Variants in BRWD1 observed in about 807,000 individuals in gnomAD.
The protein encoded by BRWD1 is bromodomain and WD repeat domain containing 1, also known as bromodomain and WD repeat-containing protein 1.
BRWD1 carries 82 observed loss-of-function variants against 251.2 expected under a neutral mutation model. The observed-to-expected ratio is 0.33, with a 90% CI of 0.27 to 0.39. The LOEUF is 0.39. Among genes scored for constraint, BRWD1 ranks in the 10% least tolerant of loss-of-function variants. The probability of loss-of-function intolerance (pLI) is 1.00; values close to 1 mark genes in which losing one functional copy is unlikely to be tolerated. For synonymous variants in BRWD1, 918 were observed against 902.8 expected (o/e 1.02, Z -0.30); for missense variants, 2,233 against 2,711.6 (o/e 0.82, Z 3.92).
chr21:39,226,199 T>G (rs1040386212), intron 27 of BRWD1, among the ~76,000 whole-genome samples: 2 of 152,150 alleles, frequency 1.3e-5, no homozygotes, highest in Non-Finnish European at 2.9e-5. Flanking sequence ...ATAATAAAAG[T>G]GTCTTTTCTA....
intron 18 of BRWD1, among the ~76,000 whole-genome samples, chr21:39,257,746 T>C (rs924794717): frequency 2.0e-5 from 3 of 152,042 alleles, no homozygotes; most frequent in Non-Finnish European, 4.4e-5. Context: ...CATTAAGATA[T>C]AAAGTGTCAC....
upstream of BRWD1, among the ~76,000 whole-genome samples, chr21:39,315,430 C>T (rs2036681579): frequency 6.6e-6 from 1 of 152,060 alleles, no homozygotes; most frequent in East Asian, 2.0e-4. Context: ...GTCAGGAAAT[C>T]AAGACCATCC....
At chr21:39,218,870 A>T (rs1322101180) in intron 29 of BRWD1, among the ~76,000 whole-genome samples, 4 of 152,176 alleles carry the variant, frequency 2.6e-5, no homozygotes, top group Non-Finnish European at 5.9e-5. Flanking sequence ...ACCCTAACAA[A>T]TTAAAAATTA....
At position 39,215,314 on chromosome 21, in the gene BRWD1, G is replaced by A. The variant is rs1283794449; in HGVS notation, c.3708C>T (p.Ala1236=). The change falls in exon 32 of 41, where the codon GCC becomes GCT. Residue 1236 remains alanine, a synonymous_variant. Transcript: ENST00000342449. ...CACTCTCAGGTTCGTTAAATGTTCT[G>A]GCATTATGTTCTATATATCTGACTT... is the stretch of plus-strand genomic sequence containing the variant. ...VWEVRYIEHN[A]RTFNEPESVI... The A allele has an allele frequency of 1.2e-6, 2 of 1,613,192 alleles. No homozygotes were observed. Among genetic ancestry groups the A allele is most frequent in the Admixed American group, 1.7e-5 (1 of 60,010 alleles).
chr21:39,303,968 CCT>C lies in BRWD1; in HGVS notation c.199-5388_199-5387del, dbSNP rs1050529380. Among the ~76,000 whole-genome samples, 13 of 151,328 alleles carry C rather than the reference CCT, an allele frequency of 8.6e-5. No homozygotes were observed. The East Asian group carries it at 2.3e-3, about 27-fold the overall frequency. On this transcript the variant is annotated intron_variant, in intron 4 of 40. Transcript: ENST00000342449. Reference sequence around the variant, plus strand: ...ACCAGCCTGGCCAACGTGGTTAAACCCTGTTTCTATTAAAAATACAAAATGAG... The same window carrying C: ...ACCAGCCTGGCCAACGTGGTTAAACCGTTTCTATTAAAAATACAAAATGAG...
At position 39,186,169 on chromosome 21, in the gene BRWD1, C is replaced by T. The variant is rs2031219802; in HGVS notation, c.*10090G>A. 6.6e-6 allele frequency: 1 copy of T among 152,128 alleles called. No homozygotes were observed. Among genetic ancestry groups the T allele is most frequent in the African/African-American group, 2.4e-5 (1 of 41,434 alleles). The allele number at this position is 152,128 out of a possible 1,614,324, so 9.4% of individuals were successfully genotyped here. A position where few individuals can be genotyped will look rare whatever the true frequency, so the allele number is the denominator to read the frequency against. ...ATGACTGTTTTGATCTTAAGCTATA[C>T]ATTTTATTTTTATCTAACTGATTAA... On this transcript the variant is annotated 3_prime_UTR_variant, in exon 41 of 41. Coordinates refer to ENST00000342449, the MANE Select transcript of BRWD1 (RefSeq NM_033656.4).
At position 39,188,413 on chromosome 21, in the gene BRWD1, G is replaced by A. The variant is rs994712713; in HGVS notation, c.*7846C>T. The A allele has an allele frequency of 2.2e-5, 22 of 985,246 alleles. No homozygotes were observed. The highest frequency in any genetic ancestry group is 1.2e-5 in the Non-Finnish European group (10 of 829,914). 61.0% of individuals were successfully genotyped at this position (985,246 alleles called of 1,614,324 possible). ...CTCCACCCACACTAGACATCTGGAG[G>A]ACTCCACCACATTCTTTTTACTACT... On this transcript the variant is annotated 3_prime_UTR_variant, in exon 41 of 41. Coordinates refer to ENST00000342449, the MANE Select transcript of BRWD1 (RefSeq NM_033656.4).
chr21:39,200,572 G>T, intron 38 of BRWD1, 186 bp from the exon 39 acceptor site: 2 of 427,540 alleles, frequency 4.7e-6, no homozygotes, highest in South Asian at 6.1e-5. Flanking sequence ...GTATTAAAAG[G>T]TACATAATCA....
chr21:39,299,681 A>G (rs1185556720), intron 4 of BRWD1, among the ~76,000 whole-genome samples: 1 of 152,086 alleles, frequency 6.6e-6, no homozygotes, highest in East Asian at 1.9e-4. Context: ...CTGGGAACAG[A>G]AAAGGGACTC....
chr21:39,309,461 C>T (rs1017667494), intron 4 of BRWD1, among the ~76,000 whole-genome samples: 4 of 151,866 alleles, frequency 2.6e-5, no homozygotes, highest in Admixed American at 6.6e-5. Flanking sequence ...CAGGGTGGGG[C>T]GGGGAGAGAA....
At chr21:39,307,976 A>G (rs1470627696) in intron 4 of BRWD1, among the ~76,000 whole-genome samples, 1 of 152,212 alleles carries the variant, frequency 6.6e-6, no homozygotes, top group East Asian at 1.9e-4. Context: ...GTCTAGCAAT[A>G]TAGCAGTGCA....
chr21:39,320,826 T>G (rs2036739599), intron 1 of BRWD1, among the ~76,000 whole-genome samples: 1 of 151,590 alleles, frequency 6.6e-6, no homozygotes, highest in Non-Finnish European at 1.5e-5. Flanking sequence ...CACCACCACA[T>G]CCAGCTAATT....
In BRWD1 at chr21:39,190,726, T is replaced by A. The variant is rs2031508017; in HGVS notation, c.*5533A>T. ...CTGAAGTACCCCAATGGCTGTAGAA[T>A]AAAATGGTTTCTGTAACTTGCTGTG... On this transcript the variant is annotated 3_prime_UTR_variant, in exon 41 of 41. Transcript: ENST00000342449. 1 of 985,408 alleles carries A rather than the reference T, an allele frequency of 1.0e-6. No individual in the cohort carries two copies. The highest frequency in any genetic ancestry group is 1.2e-6 in the Non-Finnish European group (1 of 829,906). The allele number at this position is 985,408 out of a possible 1,614,324, so 61.0% of individuals were successfully genotyped here.
intron 4 of BRWD1, among the ~76,000 whole-genome samples, chr21:39,303,031 C>G (rs2036169609): frequency 6.6e-6 from 1 of 152,038 alleles, no homozygotes; most frequent in African/African-American, 2.4e-5. Context: ...CACACTCCAT[C>G]CTGCACAACA....
upstream of BRWD1, chr21:39,314,364 C>T (rs1198522779): frequency 4.4e-6 from 2 of 455,342 alleles, no homozygotes; most frequent in Non-Finnish European, 8.8e-6. Flanking sequence ...GGGTGCGAGT[C>T]GGGGGAGCAG....
intron 13 of BRWD1, among the ~76,000 whole-genome samples, chr21:39,271,079 G>A (rs2035082926): frequency 6.6e-6 from 1 of 152,150 alleles, no homozygotes; most frequent in East Asian, 1.9e-4. Flanking sequence ...CAGATCACGA[G>A]GTCAGCGGTT....
At chr21:39,185,311 A>C (rs1048428891), downstream of BRWD1, 1 of 150,460 alleles carries the variant, frequency 6.6e-6, no homozygotes, top group Non-Finnish European at 1.5e-5. Context: ...AAAAAAAAAA[A>C]AAAAAAAAAA....
In BRWD1 at chr21:39,199,369, T is replaced by G; in HGVS notation, c.5047A>C (p.Ser1683Arg). ...TCTTCTTCAATTTCTGACTTTAAGC[T>G]CTGTTCATCTTCAGAATTATGTAAT... ...KLLHNSEDEQ[S>R]LKSEIEEEEL... The change falls in exon 40 of 41, where the codon AGC (serine) becomes CGC (arginine). Residue 1683 changes from serine to arginine, a missense_variant. Physicochemically the swap from Ser to Arg is moderately radical, Grantham distance 110 (BLOSUM62 -1). Around this residue, in one of 12 missense-constraint regions of BRWD1, gnomAD observed 928 missense variants for 970.0 expected, o/e 0.96. Transcript: ENST00000342449. The G allele has an allele frequency of 6.2e-7, 1 of 1,614,210 alleles. No individual in the cohort carries two copies.
rs2033651922 is a variant in BRWD1, at chr21:39,232,449, T to A, written c.2816A>T (p.Tyr939Phe). 1 of 1,588,084 alleles carries A rather than the reference T, an allele frequency of 6.3e-7. No individual in the cohort carries two copies. Among genetic ancestry groups the A allele is most frequent in the South Asian group, 1.2e-5 (1 of 85,070 alleles). The change falls in exon 24 of 41, where the codon TAT becomes TTT. Residue 939 changes from tyrosine (Y) to phenylalanine (F), a missense_variant. By Grantham distance (22) the Tyr-to-Phe change is conservative. This residue lies in a region of BRWD1 where 214 missense variants were observed against 222.0 expected (regional missense o/e 0.96). Transcript: ENST00000342449. Reference sequence around the variant, plus strand: ...AATCCAAACTGGAGGGTGAAATTCATATAAATGCTCCATATTTGCAAGCTC... The same window carrying A: ...AATCCAAACTGGAGGGTGAAATTCAAATAAATGCTCCATATTTGCAAGCTC... ...PAELANMEHL[Y>F]EFHPPVWITD...
Sources: gnomAD v4.1 joint callset for allele counts (sites outside exome capture counted in the v4.1 genomes callset) on GRCh38, gnomAD v4.1.1 for gene constraint, gnomAD v4.1.1 regional missense constraint, MANE v1.5 for transcripts, NCBI Gene and HGNC (gene_info 2026-07-23, HGNC 2026-07-21) for gene names.